TMEM40: variants seen among roughly 807,000 people sequenced by gnomAD.
The protein encoded by TMEM40 is transmembrane protein 40.
TMEM40 carries 34 observed loss-of-function variants against 40.8 expected under a neutral mutation model. The observed-to-expected ratio is 0.83, with a 90% CI of 0.63 to 1.11. The LOEUF (loss-of-function observed/expected upper bound fraction) is 1.11, where lower values mean the gene tolerates loss of function less well. TMEM40 is among the 50% of genes least tolerant of loss of function. The probability of loss-of-function intolerance (pLI) is 0.00; values close to 1 mark genes in which losing one functional copy is unlikely to be tolerated. For missense variants in TMEM40, 296 were observed against 280.2 expected (o/e 1.06, Z -0.40); for synonymous variants, 106 against 107.0 (o/e 0.99, Z 0.06).
intron 1 of TMEM40, among the ~76,000 whole-genome samples, chr3:12,757,580 T>A (rs1361680645): frequency 6.6e-6 from 1 of 151,752 alleles, no homozygotes; most frequent in Non-Finnish European, 1.5e-5. Context: ...CCATAAGACA[T>A]ACAGACACTA....
intron 4 of TMEM40, 153 bp from the exon 5 acceptor site, chr3:12,742,660 A>G: frequency 1.3e-6 from 1 of 799,988 alleles, no homozygotes; most frequent in Non-Finnish European, 2.0e-6. Flanking sequence ...CAGCACAAGT[A>G]CCTTCCCTTT....
Position 12,743,966 on chromosome 3 carries a change from GT to G in TMEM40, c.234del (p.Gln78HisfsTer33), listed in dbSNP as rs777818233. On this transcript the variant is annotated frameshift_variant, in exon 4 of 12. Coordinates refer to ENST00000314124, the MANE Select transcript of TMEM40 (RefSeq NM_018306.4). LOFTEE classifies it high-confidence loss of function. The part of the protein sequence containing the change: ...SSSESNDEDQ[Q>X]PRATGKHRRS... ...CGTCGATGTTTTCCGGTTGCTCTGG[GT>G]TGCTGGTCCTCATCATTGCTCTCTG... 3.7e-6 allele frequency: 6 copies of G among 1,613,004 alleles called. No homozygotes were observed. The highest frequency in any genetic ancestry group is 4.2e-6 in the Non-Finnish European group (5 of 1,179,672).
intron 3 of TMEM40, among the ~76,000 whole-genome samples, chr3:12,747,190 T>TC (rs1243071565): frequency 6.6e-6 from 1 of 151,926 alleles, no homozygotes. Flanking sequence ...CCAGAGCTTT[T>TC]TTTTTTTTTT....
rs551635016 is a variant in TMEM40, at chr3:12,739,111, C to G, written c.356-523G>C. 1.9e-5 allele frequency: 3 copies of G among 155,482 alleles called. No homozygotes were observed. The South Asian group carries it at 5.8e-4, about 30-fold the overall frequency. 9.6% of individuals were successfully genotyped at this position (155,482 alleles called of 1,614,324 possible). On this transcript the variant is annotated intron_variant, in intron 5 of 11. Coordinates refer to ENST00000314124, the MANE Select transcript of TMEM40 (RefSeq NM_018306.4). ...GAGGCTGCAGTGAGCCAAGATCACA[C>G]CACTGCACTCCGGCCTGGCGACAGA...
rs1043261360 is a variant in TMEM40, at chr3:12,748,583, A to G, written c.211+72T>C. ...AGTTTCAAGTACTTCAATGACTTCA[A>G]GTATGGGGGATTATTTCCCCATGTA... On this transcript the variant is annotated intron_variant, in intron 3 of 11. Transcript: ENST00000314124. 22 of 1,551,694 alleles carry G rather than the reference A, an allele frequency of 1.4e-5. No homozygotes were observed. The Admixed American group carries it at 2.1e-4, about 15-fold the overall frequency.
At position 12,738,125 on chromosome 3, in the gene TMEM40, T is replaced by A; in HGVS notation, c.424+11A>T. 6.2e-7 allele frequency: 1 copy of A among 1,613,784 alleles called. No homozygotes were observed. The highest frequency in any genetic ancestry group is 2.2e-5 in the East Asian group (1 of 44,884). ...CCGCTCTGGCTCTCCTATTTGAGCT[T>A]GTGTATTTACCACTTGCTGGGTCAG... On this transcript the variant is annotated intron_variant, in intron 7 of 11. Transcript: ENST00000314124.
intron 1 of TMEM40, among the ~76,000 whole-genome samples, chr3:12,751,469 G>A (rs1344460805): frequency 6.6e-6 from 1 of 151,614 alleles, no homozygotes; most frequent in Admixed American, 6.6e-5. Flanking sequence ...TAGTAGAGAC[G>A]TGGTTTCACC....
intron 1 of TMEM40, among the ~76,000 whole-genome samples, chr3:12,757,040 A>C (rs113243257): frequency 0.041 from 6,244 of 152,304 alleles, 155 homozygotes; most frequent in Middle Eastern, 0.065. Context: ...TCAGAGCTTC[A>C]GAATCCTTAG....
chr3:12,762,051 G>C (rs769438561), upstream of TMEM40, among the ~76,000 whole-genome samples: 3 of 152,008 alleles, frequency 2.0e-5, no homozygotes, highest in Admixed American at 6.6e-5. Flanking sequence ...TGGTAACCTT[G>C]AAATGGGCTC....
At chr3:12,763,234 TTC>T (rs2061581063), upstream of TMEM40, among the ~76,000 whole-genome samples, 1 of 151,516 alleles carries the variant, frequency 6.6e-6, no homozygotes, top group Non-Finnish European at 1.5e-5. Flanking sequence ...GTTCATTACC[TTC>T]TGTTTGCCTC....
At chr3:12,769,211 C>T (rs751930811) in intron 1 of TMEM40, 13 of 363,678 alleles carry the variant, frequency 3.6e-5, no homozygotes, top group Non-Finnish European at 6.4e-5. Flanking sequence ...TCAAGTGCTG[C>T]GTGCAGCCCC....
chr3:12,742,503 A>G lies in TMEM40; in HGVS notation c.306T>C (p.Pro102=), dbSNP rs751437669. ...GYPHGNGSPG[P]GHGEPDVLKD... ...TCAAAACGTCAGGCTCCCCATGCCC[A>G]GGACCTGGATGGAGACAAACCCCTT... The change falls in exon 5 of 12, where the codon CCT becomes CCC. Residue 102 remains proline (P), a synonymous_variant. Transcript: ENST00000314124. 3.7e-6 allele frequency: 6 copies of G among 1,613,976 alleles called. No homozygotes were observed. The East Asian group carries it at 1.1e-4, about 30-fold the overall frequency.
At position 12,734,768 on chromosome 3, in the gene TMEM40, G is replaced by A; in HGVS notation, c.*6C>T. ...GCCTGCCTCTGCTGCCCACCTGGAA[G>A]TGGCCTCAGTCAGTCTTCCTGAACC... On this transcript the variant is annotated 3_prime_UTR_variant, in exon 12 of 12. Coordinates refer to ENST00000314124, the MANE Select transcript of TMEM40 (RefSeq NM_018306.4). The A allele has an allele frequency of 6.3e-7, 1 of 1,596,736 alleles. No homozygotes were observed. The highest frequency in any genetic ancestry group is 1.3e-5 in the African/African-American group (1 of 74,584).
At chr3:12,737,324 G>A (rs532721724) in intron 8 of TMEM40, among the ~76,000 whole-genome samples, 279 of 151,888 alleles carry the variant, frequency 1.8e-3, no homozygotes, top group African/African-American at 6.3e-3. Context: ...GCTCCTTTCC[G>A]ATTCTGGTCT....
At position 12,743,900 on chromosome 3, in the gene TMEM40, C is replaced by T. The variant is rs146365508; in HGVS notation, c.301G>A (p.Gly101Ser). ...AAAAATGGTAAGGCCTATTTCCTACCGGGTGAGCCGTTCCCGTGGGGGTAT... is the reference window on the plus strand; with the variant it reads ...AAAAATGGTAAGGCCTATTTCCTACTGGGTGAGCCGTTCCCGTGGGGGTAT... ...AGYPHGNGSPGPGHGEPDVLK... is the reference protein window; with the variant it reads ...AGYPHGNGSPSPGHGEPDVLK... The change falls in exon 4 of 12, where the codon GGT (glycine) becomes AGT (serine). Residue 101 changes from glycine (G) to serine (S), a missense_variant and splice_region_variant. Transcript: ENST00000314124. 2.3e-5 allele frequency: 37 copies of T among 1,612,852 alleles called. No individual in the cohort carries two copies. The highest frequency in any genetic ancestry group is 2.7e-5 in the Non-Finnish European group (32 of 1,179,552).
intron 5 of TMEM40, among the ~76,000 whole-genome samples, chr3:12,740,903 C>A (rs1055592567): frequency 6.6e-6 from 1 of 152,080 alleles, no homozygotes; most frequent in African/African-American, 2.4e-5. Flanking sequence ...CCCCTGCCCC[C>A]CAAAAAACCA....
intron 1 of TMEM40, among the ~76,000 whole-genome samples, chr3:12,765,898 C>G (rs2061591965): frequency 6.6e-6 from 1 of 151,838 alleles, no homozygotes; most frequent in Non-Finnish European, 1.5e-5. Flanking sequence ...CACTGTTGCC[C>G]AGGCTGAAGT....
At chr3:12,768,953 G>A (rs1174383749) in intron 1 of TMEM40, among the ~76,000 whole-genome samples, 5 of 119,554 alleles carry the variant, frequency 4.2e-5, no homozygotes, top group Admixed American at 1.7e-4. Context: ...CGGGGGGGGC[G>A]GGGGGGCGCG....
Position 12,752,810 on chromosome 3 carries a change from A to G in TMEM40, c.-8-2970T>C, listed in dbSNP as rs548724164. On this transcript the variant is annotated intron_variant, in intron 1 of 11. Transcript: ENST00000314124. The stretch of plus-strand genomic sequence containing the variant: ...AGGGCAAGACTCTGTCTCAAAAAAA[A>G]AAAGAAAGAAAGAAAGAAAGAAACT... Among the ~76,000 whole-genome samples the G allele has an allele frequency of 3.8e-3, 582 of 152,040 alleles. 1 individual carries two copies. Among genetic ancestry groups the G allele is most frequent in the African/African-American group, 8.4e-3 (347 of 41,466 alleles).
Sources: allele counts gnomAD v4.1 joint callset (sites outside exome capture counted in the v4.1 genomes callset), GRCh38; gene constraint gnomAD v4.1.1; transcripts MANE v1.5; gene names NCBI Gene and HGNC (gene_info 2026-07-23, HGNC 2026-07-21).